The following ANKRD36C variants were observed in gnomAD, a reference collection of about 807,000 sequenced individuals.
ANKRD36C encodes ankyrin repeat domain-containing protein 36C.
A neutral mutation model predicts 276.4 loss-of-function variants in ANKRD36C; 61 were observed. The ratio of observed to expected loss-of-function variants is 0.22; its 90% CI spans 0.18 to 0.27. The LOEUF is 0.27. Ranked by LOEUF, ANKRD36C falls within the 10% of genes least tolerant of loss-of-function variation. ANKRD36C has a pLI of 1.00. For synonymous variants in ANKRD36C, 483 were observed against 680.1 expected, an observed-to-expected ratio of 0.71 and a Z score of 4.51; for missense variants, 1,447 against 2,032.3, an observed-to-expected ratio of 0.71 and a Z score of 5.54.
At position 95,897,266 on chromosome 2, in the gene ANKRD36C, T is replaced by C; in HGVS notation, c.2755+1879A>G. On this transcript the variant is annotated intron_variant, in intron 44 of 66. Transcript: ENST00000456556. ...CATGACATTAAATCTCTTTTCAAAA[T>C]TACCTCTCCTAGTTTTTTCTCCATG... 1 of 1,494,794 alleles carries C rather than the reference T, an allele frequency of 6.7e-7. No individual in the cohort carries two copies. Among genetic ancestry groups the C allele is most frequent in the Admixed American group, 2.1e-5 (1 of 48,398 alleles). 92.6% of individuals were successfully genotyped at this position (1,494,794 alleles called of 1,614,324 possible).
At chr2:95,913,217 T>C (rs1676988260) in intron 40 of ANKRD36C, among the ~76,000 whole-genome samples, 1 of 149,622 alleles carries the variant, frequency 6.7e-6, no homozygotes, top group African/African-American at 2.5e-5. Flanking sequence ...CAGAAATCAC[T>C]GCAATATTCA....
chr2:95,974,641 TG>T (rs1218357798), intron 6 of ANKRD36C, among the ~76,000 whole-genome samples: 9 of 152,152 alleles, frequency 5.9e-5, no homozygotes, highest in Admixed American at 5.9e-4. Flanking sequence ...TCCAAACTGC[TG>T]GTCTGTAGGC....
intron 1 of ANKRD36C, among the ~76,000 whole-genome samples, chr2:95,987,818 A>G (rs1461049961): frequency 6.6e-6 from 1 of 152,066 alleles, no homozygotes; most frequent in Non-Finnish European, 1.5e-5. Context: ...ATTAAGTAAA[A>G]TGATACAATC....
chr2:95,908,817 G>A (rs1358642289), intron 42 of ANKRD36C, 120 bp from the exon 47 acceptor site: 1 of 1,496,808 alleles, frequency 6.7e-7, no homozygotes, highest in Non-Finnish European at 9.1e-7. Flanking sequence ...GGCTTTGATG[G>A]CTTCTACTTT....
chr2:95,926,489 C>A (rs1422697247), intron 28 of ANKRD36C, among the ~76,000 whole-genome samples: 1 of 151,484 alleles, frequency 6.6e-6, no homozygotes, highest in Non-Finnish European at 1.5e-5. Flanking sequence ...AAAAGCAAAG[C>A]CAATATATGC....
At chr2:95,876,706 G>T (rs1442726860) in intron 58 of ANKRD36C, among the ~76,000 whole-genome samples, 194 bp from the exon 79 acceptor site, 1 of 147,960 alleles carries the variant, frequency 6.8e-6, no homozygotes, top group African/African-American at 2.5e-5. Flanking sequence ...CAAAAAATTA[G>T]CTGGGCGTGG....
At chr2:95,969,182 C>T (rs938969796) in intron 6 of ANKRD36C, among the ~76,000 whole-genome samples, 2 of 152,128 alleles carry the variant, frequency 1.3e-5, no homozygotes, top group African/African-American at 4.8e-5. Context: ...AAGTCCCAAC[C>T]CTCTAATCAC....
chr2:95,915,164 G>A (rs551643918), intron 38 of ANKRD36C, among the ~76,000 whole-genome samples: 2 of 151,464 alleles, frequency 1.3e-5, no homozygotes, highest in Non-Finnish European at 3.0e-5. Context: ...AGCCTTGTTA[G>A]GAGTATCATG....
intron 12 of ANKRD36C, among the ~76,000 whole-genome samples, chr2:95,957,546 CT>C (rs1238328851): frequency 6.6e-6 from 1 of 152,224 alleles, no homozygotes; most frequent in African/African-American, 2.4e-5. Context: ...CCTTCAGAAA[CT>C]TTTGTCAGTA....
chr2:95,903,058 A>C lies in ANKRD36C; in HGVS notation c.2654-3722T>G, dbSNP rs542423563. 71 of 1,570,758 alleles carry C rather than the reference A, an allele frequency of 4.5e-5. 1 individual carries two copies. In the South Asian group the frequency reaches 7.4e-4, roughly 16 times the overall value. On this transcript the variant is annotated intron_variant, in intron 42 of 66. Coordinates refer to ENST00000456556, the Ensembl canonical transcript of ANKRD36C. The stretch of plus-strand genomic sequence containing the variant: ...ATAAATGACAGTTTCATTACCTTCA[A>C]GCCTGGTGGTTGCTCTGAAGACACT...
intron 66 of ANKRD36C, 71 bp downstream of exon 86, chr2:95,851,623 G>C (rs1040176254): frequency 2.2e-5 from 28 of 1,280,838 alleles, no homozygotes; most frequent in Non-Finnish European, 2.9e-5. Flanking sequence ...TTGGACAAGG[G>C]ATATTTAACC....
At chr2:95,927,747 G>A (rs1414217261) in intron 26 of ANKRD36C, among the ~76,000 whole-genome samples, 1 of 151,610 alleles carries the variant, frequency 6.6e-6, no homozygotes, top group African/African-American at 2.4e-5. Flanking sequence ...TGTCAAAGCA[G>A]GTGGTACATT....
chr2:95,885,756 G>A (rs1215360590), intron 52 of ANKRD36C, among the ~76,000 whole-genome samples: 1 of 151,744 alleles, frequency 6.6e-6, no homozygotes, highest in Non-Finnish European at 1.5e-5. Flanking sequence ...ATGGAAACTT[G>A]CTGTAGAATT....
At chr2:95,890,994 C>T (rs1044579103) in intron 46 of ANKRD36C, among the ~76,000 whole-genome samples, 1 of 151,424 alleles carries the variant, frequency 6.6e-6, no homozygotes, top group African/African-American at 2.4e-5. Context: ...ATCTCTGATA[C>T]CTCCTAGTAA....
intron 61 of ANKRD36C, among the ~76,000 whole-genome samples, chr2:95,858,951 CAGAGAGAG>C (rs143169258): frequency 6.6e-6 from 1 of 151,626 alleles, no homozygotes; most frequent in African/African-American, 2.4e-5. Flanking sequence ...ATCTACATAA[CAGAGAGAG>C]AGAGATGTTG....
rs199620576 is a variant in ANKRD36C at position 95,885,358 on chromosome 2, G to A, written c.3163+690C>T. Among the ~76,000 whole-genome samples, 114 of 151,978 alleles carry A rather than the reference G, an allele frequency of 7.5e-4. No homozygotes were observed. The East Asian group carries it at 0.015, about 19-fold the overall frequency. ...TTTTTATAACTAAAATCAACAAAAC[G>A]TGTATCTCTGATGCCTAACAGTAAC... On this transcript the variant is annotated intron_variant, in intron 52 of 66. Coordinates refer to ENST00000456556, the Ensembl canonical transcript of ANKRD36C.
intron 34 of ANKRD36C, 126 bp downstream of exon 36, chr2:95,919,607 G>C: frequency 2.1e-6 from 1 of 482,458 alleles, no homozygotes; most frequent in Non-Finnish European, 2.6e-6. Context: ...AAAAATCTCA[G>C]GCCTGCTGAA....
At chr2:95,914,790 T>C (rs1230283485) in intron 38 of ANKRD36C, among the ~76,000 whole-genome samples, 1 of 151,530 alleles carries the variant, frequency 6.6e-6, no homozygotes, top group Non-Finnish European at 1.5e-5. Context: ...CAGTTGAACT[T>C]ACACTTCACA....
chr2:95,863,173 T>C (rs1023598434), intron 60 of ANKRD36C, among the ~76,000 whole-genome samples: 40 of 152,036 alleles, frequency 2.6e-4, no homozygotes, highest in Admixed American at 5.9e-4. Flanking sequence ...TAATTATAGA[T>C]TCTACAGATA....
Sources: allele counts gnomAD v4.1 joint callset (sites outside exome capture counted in the v4.1 genomes callset), GRCh38; gene constraint gnomAD v4.1.1; transcripts MANE v1.5; gene names NCBI Gene and HGNC (gene_info 2026-07-23, HGNC 2026-07-21).